The following COL23A1 variants were observed in gnomAD, a reference collection of about 807,000 sequenced individuals.
COL23A1 encodes collagen type XXIII alpha 1 chain.
In COL23A1, 97 loss-of-function variants were observed where a neutral mutation model predicts 99.3. The observed-to-expected ratio is 0.98, with a 90% CI of 0.83 to 1.16. The LOEUF is 1.16. Among genes scored for constraint, COL23A1 ranks in the 50% most tolerant of loss-of-function variants. The pLI is 0.00. For synonymous variants in COL23A1, 320 were observed against 308.2 expected, an observed-to-expected ratio of 1.04 and a Z score of -0.40; for missense variants, 762 against 757.4, an observed-to-expected ratio of 1.01 and a Z score of -0.07.
chr5:178,567,210 G>A (rs1480976495), intron 1 of COL23A1, among the ~76,000 whole-genome samples: 3 of 152,190 alleles, frequency 2.0e-5, no homozygotes, highest in Non-Finnish European at 4.4e-5. Context: ...TGTCTGCAGA[G>A]AAGTTCTACA....
At chr5:178,508,239 T>C (rs1758991330) in intron 2 of COL23A1, among the ~76,000 whole-genome samples, 1 of 152,210 alleles carries the variant, frequency 6.6e-6, no homozygotes, top group Admixed American at 6.5e-5. Context: ...TAAGACTCTA[T>C]TCTTAATTTC....
At position 178,252,878 on chromosome 5, in the gene COL23A1, C is replaced by T. The variant is rs146672247; in HGVS notation, c.961-281G>A. On this transcript the variant is annotated intron_variant, in intron 16 of 28. Coordinates refer to ENST00000390654, the MANE Select transcript of COL23A1 (RefSeq NM_173465.4). Reference sequence around the variant, plus strand: ...CTCTGCCCCAATCCAGATTTCTTCACGATGTTCCCCTGCTCAAGATCTTGC... The same window carrying T: ...CTCTGCCCCAATCCAGATTTCTTCATGATGTTCCCCTGCTCAAGATCTTGC... 2.5e-3 allele frequency among the ~76,000 whole-genome samples: 386 copies of T among 152,346 alleles called. 2 individuals are homozygous for T. The highest frequency in any genetic ancestry group is 8.6e-3 in the African/African-American group (359 of 41,576).
intron 2 of COL23A1, among the ~76,000 whole-genome samples, chr5:178,549,908 A>T (rs1761914366): frequency 6.6e-6 from 1 of 152,224 alleles, no homozygotes; most frequent in Non-Finnish European, 1.5e-5. Flanking sequence ...ATCTAGATGA[A>T]ACGGACATCA....
At chr5:178,409,435 G>A (rs527400248) in intron 2 of COL23A1, among the ~76,000 whole-genome samples, 3 of 152,192 alleles carry the variant, frequency 2.0e-5, no homozygotes, top group Non-Finnish European at 4.4e-5. Context: ...GAGATGTTAG[G>A]AACATTGTCA....
intron 1 of COL23A1, among the ~76,000 whole-genome samples, chr5:178,581,480 C>T (rs1581679177): frequency 1.3e-5 from 2 of 151,554 alleles, no homozygotes; most frequent in East Asian, 1.9e-4. Flanking sequence ...GCAGGAGAAT[C>T]GCTTGAACCC....
At chr5:178,252,745 G>C (rs1182653321) in intron 16 of COL23A1, 148 bp from the exon 17 acceptor site, 1 of 648,806 alleles carries the variant, frequency 1.5e-6, no homozygotes, top group Non-Finnish European at 2.6e-6. Context: ...CCCCAGTCAG[G>C]TCAGGCCACA....
chr5:178,436,341 C>T (rs1048173438), intron 2 of COL23A1, among the ~76,000 whole-genome samples: 2 of 143,460 alleles, frequency 1.4e-5, no homozygotes, highest in Admixed American at 7.0e-5. Context: ...CCCAGGCAGC[C>T]GGTGTCCAGG....
chr5:178,555,213 C>T (rs1762203398), intron 2 of COL23A1, among the ~76,000 whole-genome samples: 2 of 152,152 alleles, frequency 1.3e-5, no homozygotes, highest in Admixed American at 1.3e-4. Context: ...CACCCTAAGG[C>T]CTCATGTCAC....
chr5:178,530,176 T>C (rs942673919), intron 2 of COL23A1, among the ~76,000 whole-genome samples: 4 of 152,188 alleles, frequency 2.6e-5, no homozygotes, highest in Middle Eastern at 3.4e-3. Context: ...AAAGGCAGAG[T>C]GTGGGCCAGG....
chr5:178,515,802 G>A (rs1397387344), intron 2 of COL23A1, among the ~76,000 whole-genome samples: 2 of 151,992 alleles, frequency 1.3e-5, no homozygotes, highest in Admixed American at 1.3e-4. Context: ...CCACTCGCCT[G>A]CTCTCCTTCC....
At chr5:178,579,050 T>A (rs1465222354) in intron 1 of COL23A1, among the ~76,000 whole-genome samples, 1 of 152,212 alleles carries the variant, frequency 6.6e-6, no homozygotes, top group Non-Finnish European at 1.5e-5. Flanking sequence ...AACAACCAAC[T>A]CACATTTCTC....
Position 178,325,882 on chromosome 5 carries a change from C to T in COL23A1, c.362-18963G>A, listed in dbSNP as rs549135272. Among the ~76,000 whole-genome samples, 9 of 152,322 alleles carry T rather than the reference C, an allele frequency of 5.9e-5. No homozygotes were observed. The East Asian group carries it at 1.2e-3, about 20-fold the overall frequency. The stretch of plus-strand genomic sequence containing the variant: ...GTGGCCTTTTTCCCTTTTTAACTGT[C>T]GTGCCTGCGCTTGTGCCTGCCCAGT... On this transcript the variant is annotated intron_variant, in intron 2 of 28. Transcript: ENST00000390654.
chr5:178,373,998 TCA>T, intron 2 of COL23A1, among the ~76,000 whole-genome samples: 1 of 152,268 alleles, frequency 6.6e-6, no homozygotes, highest in Middle Eastern at 3.4e-3. Flanking sequence ...CTTCAACTTC[TCA>T]GTTTTCTCTG....
chr5:178,570,352 G>A (rs570155001), intron 1 of COL23A1, among the ~76,000 whole-genome samples: 5 of 152,178 alleles, frequency 3.3e-5, no homozygotes, highest in African/African-American at 1.2e-4. Flanking sequence ...CAAGTGATCT[G>A]TGCCTGCCTC....
rs558092480 is a variant in COL23A1, at chr5:178,319,704, G to A, written c.362-12785C>T. The stretch of plus-strand genomic sequence containing the variant: ...TCCTGAGGGAAGAGTGCAGCAGCCC[G>A]GCATGGCCCAGTTTTAACTTCCACG... On this transcript the variant is annotated intron_variant, in intron 2 of 28. Coordinates refer to ENST00000390654, the MANE Select transcript of COL23A1 (RefSeq NM_173465.4). 1.5e-3 allele frequency among the ~76,000 whole-genome samples: 232 copies of A among 152,320 alleles called. 3 individuals are homozygous for A. The highest frequency in any genetic ancestry group is 4.6e-3 in the Admixed American group (71 of 15,300).
chr5:178,300,739 T>TTTATTTA (rs550201149), intron 3 of COL23A1, among the ~76,000 whole-genome samples: 3,729 of 80,914 alleles, frequency 0.046, 51 homozygotes, highest in Non-Finnish European at 0.059. Context: ...TTATTTATTT[T>TTTATTTA]TTTTAGTAGA....
intron 2 of COL23A1, among the ~76,000 whole-genome samples, chr5:178,514,252 T>A (rs1474267812): frequency 6.6e-6 from 1 of 152,218 alleles, no homozygotes; most frequent in African/African-American, 2.4e-5. Flanking sequence ...CCTTCCTTTT[T>A]AAGGCTGACA....
At chr5:178,357,779 T>C (rs1243187422) in intron 2 of COL23A1, among the ~76,000 whole-genome samples, 1 of 140,158 alleles carries the variant, frequency 7.1e-6, no homozygotes, top group African/African-American at 2.7e-5. Flanking sequence ...TATGTGTGTA[T>C]GTGTATGTGT....
intron 2 of COL23A1, among the ~76,000 whole-genome samples, chr5:178,358,571 A>ATGTC (rs1761969030): frequency 7.4e-6 from 1 of 135,960 alleles, no homozygotes; most frequent in South Asian, 2.4e-4. Context: ...TGTATGTCTA[A>ATGTC]TGTGTATGTG....
Sources: allele counts gnomAD v4.1 joint callset (sites outside exome capture counted in the v4.1 genomes callset), GRCh38; gene constraint gnomAD v4.1.1; transcripts MANE v1.5; gene names NCBI Gene and HGNC (gene_info 2026-07-23, HGNC 2026-07-21).